Variants in ATL2 observed in about 807,000 individuals in gnomAD.
The protein encoded by ATL2 is atlastin GTPase 2, also known as atlastin-2.
In ATL2, 31 loss-of-function variants were observed where a neutral mutation model predicts 73.9. The observed-to-expected ratio is 0.42, with a 90% confidence interval of 0.32 to 0.57. The LOEUF is 0.57. Among genes scored for constraint, ATL2 ranks in the 20% least tolerant of loss-of-function variants. ATL2 has a pLI of 0.14. For synonymous variants in ATL2, 291 were observed against 237.5 expected, an observed-to-expected ratio of 1.23 and a Z score of -2.07; for missense variants, 738 against 702.6, an observed-to-expected ratio of 1.05 and a Z score of -0.57.
At chr2:38,343,600 T>A in intron 1 of ATL2, 88 bp from the exon 2 acceptor site, 1 of 1,185,926 alleles carries the variant, frequency 8.4e-7, no homozygotes, top group Non-Finnish European at 1.2e-6. Flanking sequence ...AAATTTCAAG[T>A]AAGTAATTGC....
intron 10 of ATL2, 29 bp from the exon 11 acceptor site, chr2:38,299,356 CA>C (rs770104477): frequency 2.0e-6 from 3 of 1,514,316 alleles, no homozygotes; most frequent in Admixed American, 2.7e-5. Context: ...CATTATTATG[CA>C]AAAAATACTC....
At position 38,377,154 on chromosome 2, in the gene ATL2, G is replaced by C; in HGVS notation, c.107C>G (p.Thr36Arg). Residue 36 changes from threonine (T) to arginine (R), a missense_variant, in exon 1 of 13, where the codon ACG becomes AGG. Transcript: ENST00000378954. The stretch of plus-strand genomic sequence containing the variant: ...TCGCTGGCCCGTACCTAGGGAGGTC[G>C]TGGACGAGACGTGGTTAACCGCGGC... Reference protein sequence around the residue: ...PSAAVNHVSSTTSLGENYEDD... With the variant: ...PSAAVNHVSSRTSLGENYEDD... 6.2e-7 allele frequency: 1 copy of C among 1,610,490 alleles called. No homozygotes were observed. Among genetic ancestry groups the C allele is most frequent in the Non-Finnish European group, 8.5e-7 (1 of 1,179,328 alleles).
chr2:38,337,161 C>G (rs1306749689), intron 2 of ATL2, among the ~76,000 whole-genome samples: 1 of 151,594 alleles, frequency 6.6e-6, no homozygotes, highest in Non-Finnish European at 1.5e-5. Context: ...ACAATGTGGA[C>G]TATTAAAAAA....
intron 7 of ATL2, 128 bp downstream of exon 7, chr2:38,313,023 T>A: frequency 1.6e-6 from 1 of 609,802 alleles, no homozygotes; most frequent in Non-Finnish European, 2.8e-6. Context: ...ACAGAGTCAC[T>A]TGGGCTAACC....
At chr2:38,297,337 G>A (rs567691039) in intron 12 of ATL2, among the ~76,000 whole-genome samples, 1 of 152,250 alleles carries the variant, frequency 6.6e-6, no homozygotes, top group South Asian at 2.1e-4. Context: ...CATCTCAAAT[G>A]CCTATTATAG....
chr2:38,310,714 C>T (rs1024881505), intron 7 of ATL2, among the ~76,000 whole-genome samples: 13 of 150,622 alleles, frequency 8.6e-5, no homozygotes, highest in African/African-American at 2.2e-4. Flanking sequence ...CTCGGCTCAC[C>T]GCAACCTCCG....
intron 1 of ATL2, among the ~76,000 whole-genome samples, chr2:38,369,581 C>G (rs1308801878): frequency 6.6e-6 from 1 of 151,078 alleles, no homozygotes; most frequent in Admixed American, 6.6e-5. Flanking sequence ...CCACCATGCT[C>G]GGCCAATTTT....
chr2:38,370,860 G>T (rs181555403), intron 1 of ATL2, among the ~76,000 whole-genome samples: 325 of 152,098 alleles, frequency 2.1e-3, no homozygotes, highest in South Asian at 2.3e-3. Context: ...AAGCTGAAAT[G>T]GCGGGGGTGG....
chr2:38,340,995 G>T (rs1237625594), intron 2 of ATL2, among the ~76,000 whole-genome samples: 1 of 152,120 alleles, frequency 6.6e-6, no homozygotes, highest in Non-Finnish European at 1.5e-5. Context: ...GCAAATACAC[G>T]GCAATGGGGG....
intron 1 of ATL2, 85 bp from the exon 2 acceptor site, chr2:38,343,597 A>G (rs2124410655): frequency 1.6e-6 from 2 of 1,284,706 alleles, no homozygotes; most frequent in Non-Finnish European, 1.1e-6. Context: ...GCAAAATTTC[A>G]AGTAAGTAAT....
chr2:38,329,899 C>A (rs747278093), intron 2 of ATL2, among the ~76,000 whole-genome samples: 2 of 151,972 alleles, frequency 1.3e-5, no homozygotes, highest in South Asian at 2.1e-4. Flanking sequence ...GAGGCCAAGT[C>A]GGGCAGAATA....
intron 1 of ATL2, among the ~76,000 whole-genome samples, chr2:38,362,956 T>A (rs1166090071): frequency 6.6e-6 from 1 of 152,200 alleles, no homozygotes; most frequent in Admixed American, 6.5e-5. Flanking sequence ...ACATTATTAG[T>A]AACTTTCTCA....
At chr2:38,317,947 G>A (rs1343793164) in intron 4 of ATL2, among the ~76,000 whole-genome samples, 2 of 152,158 alleles carry the variant, frequency 1.3e-5, no homozygotes, top group African/African-American at 2.4e-5. Context: ...AATAAGAAAT[G>A]TAAATAGCTC....
intron 9 of ATL2, among the ~76,000 whole-genome samples, chr2:38,308,988 T>C (rs997847559): frequency 6.6e-6 from 1 of 151,852 alleles, no homozygotes; most frequent in East Asian, 1.9e-4. Flanking sequence ...TATAAATACT[T>C]TCAGCTGTTC....
intron 2 of ATL2, among the ~76,000 whole-genome samples, chr2:38,341,231 C>G (rs1210823241): frequency 6.6e-6 from 1 of 152,138 alleles, no homozygotes; most frequent in Non-Finnish European, 1.5e-5. Context: ...CTTAAGAGGA[C>G]CTCAAAATAT....
In ATL2 at chr2:38,343,345, C is replaced by T. The variant is rs747804696; in HGVS notation, c.286G>A (p.Val96Met). ...QEHIRDLNIV[V>M]VSVAGAFRKG... ...CGAAAAGCTCCTGCCACAGATACCA[C>T]TACTATGTTAAGATCTCGTATGTGC... is the stretch of plus-strand genomic sequence containing the variant. Residue 96 changes from valine to methionine, a missense_variant, in exon 2 of 13, where the codon GTG becomes ATG. Transcript: ENST00000378954. 1.9e-6 allele frequency: 3 copies of T among 1,611,264 alleles called. No homozygotes were observed. The South Asian group carries it at 3.3e-5, about 18-fold the overall frequency.
intron 9 of ATL2, 155 bp from the exon 10 acceptor site, chr2:38,300,483 T>G: frequency 1.9e-6 from 1 of 528,048 alleles, no homozygotes; most frequent in Non-Finnish European, 3.4e-6. Flanking sequence ...GTTAACCCTA[T>G]TCTCAATATT....
rs962952444 is a variant in ATL2, at chr2:38,370,150, C to CAAAAA, written c.118+6988_118+6992dup. Among the ~76,000 whole-genome samples the CAAAAA allele has an allele frequency of 4.9e-3, 216 of 43,782 alleles. 2 individuals are homozygous for CAAAAA. Among genetic ancestry groups the CAAAAA allele is most frequent in the African/African-American group, 0.023 (204 of 8,970 alleles). 28.7% of individuals were successfully genotyped at this position (43,782 alleles called of 152,430 possible). On this transcript the variant is annotated intron_variant, in intron 1 of 12. Coordinates refer to ENST00000378954, the MANE Select transcript of ATL2 (RefSeq NM_001135673.4). ...AACCTGGGCGACAGCGAGACTCCGT[C>CAAAAA]AAAAAAAAAAAAAAAAAAAAAGAAA...
intron 2 of ATL2, among the ~76,000 whole-genome samples, chr2:38,336,143 G>A (rs1201513667): frequency 1.3e-5 from 2 of 152,194 alleles, no homozygotes; most frequent in Non-Finnish European, 2.9e-5. Context: ...TTTTCTTCAT[G>A]TATTTGCACA....
Sources: allele counts gnomAD v4.1 joint callset (sites outside exome capture counted in the v4.1 genomes callset), GRCh38; gene constraint gnomAD v4.1.1; transcripts MANE v1.5; gene names NCBI Gene and HGNC (gene_info 2026-07-23, HGNC 2026-07-21).